Variants in UPP2 observed in about 807,000 individuals in gnomAD.
The protein encoded by UPP2 is UPase 2.
Under a neutral mutation model 26.7 loss-of-function variants are expected in UPP2, and 23 were observed. The ratio of observed to expected loss-of-function variants is 0.86; its 90% CI spans 0.62 to 1.22. The LOEUF (loss-of-function observed/expected upper bound fraction) is 1.22. Among genes scored for constraint, UPP2 ranks in the 50% most tolerant of loss-of-function variants. The pLI, the probability that UPP2 is intolerant of heterozygous loss-of-function variation, is 0.00. For missense variants in UPP2, 387 were observed against 396.7 expected (o/e 0.98, Z 0.21); for synonymous variants, 127 against 141.3 (o/e 0.90, Z 0.72).
intron 3 of UPP2, among the ~76,000 whole-genome samples, chr2:158,051,457 A>G (rs142670491): frequency 2.5e-3 from 378 of 152,252 alleles, no homozygotes; most frequent in Non-Finnish European, 4.3e-3. Flanking sequence ...GACTAAAATG[A>G]ATGAACAAAT....
In UPP2 at chr2:158,085,713, G is replaced by C. The variant is rs371200478; in HGVS notation, c.148-16327G>C. The stretch of plus-strand genomic sequence containing the variant: ...TTTGCTGAGGGTTTTAATCATAAAG[G>C]GATGCTGGATTTTGTCAAATGCTTT... On this transcript the variant is annotated intron_variant, in intron 3 of 9. Coordinates refer to the UPP2 transcript ENST00000605860. Among the ~76,000 whole-genome samples, 6 of 152,106 alleles carry C rather than the reference G, an allele frequency of 3.9e-5. No homozygotes were observed. In the East Asian group the frequency reaches 5.8e-4, roughly 15 times the overall value.
chr2:158,120,393 C>T (rs973178898), intron 4 of UPP2, among the ~76,000 whole-genome samples: 32 of 152,086 alleles, frequency 2.1e-4, no homozygotes, highest in South Asian at 8.3e-4. Flanking sequence ...CATAGGCTTG[C>T]GGAGCTATAA....
chr2:158,099,706 G>A (rs545414021), upstream of UPP2, among the ~76,000 whole-genome samples: 1 of 152,164 alleles, frequency 6.6e-6, no homozygotes, highest in Non-Finnish European at 1.5e-5. Context: ...CATCAAGACT[G>A]TGCTTTCTTT....
At chr2:158,011,666 T>G (rs1425556869) in intron 2 of UPP2, among the ~76,000 whole-genome samples, 1 of 140,044 alleles carries the variant, frequency 7.1e-6, no homozygotes, top group African/African-American at 2.6e-5. Flanking sequence ...AACACTTGTC[T>G]GGAGGGAGGG....
At chr2:157,997,651 C>G (rs140127950) in intron 2 of UPP2, among the ~76,000 whole-genome samples, 379 of 152,264 alleles carry the variant, frequency 2.5e-3, no homozygotes, top group Non-Finnish European at 4.6e-3. Flanking sequence ...AGAATATCAT[C>G]CTTTTAAGCC....
intron 2 of UPP2, among the ~76,000 whole-genome samples, chr2:158,013,136 C>G (rs1683606705): frequency 6.6e-6 from 1 of 152,032 alleles, no homozygotes; most frequent in Non-Finnish European, 1.5e-5. Flanking sequence ...ACAGGTATTG[C>G]CACCAAAACT....
intron 1 of UPP2, among the ~76,000 whole-genome samples, chr2:158,104,435 A>G (rs955257536): frequency 6.8e-6 from 1 of 146,386 alleles, no homozygotes; most frequent in South Asian, 2.2e-4. Context: ...TTGAGATTTT[A>G]AAAATACTTA....
At chr2:158,132,100 C>A (rs987900317) in intron 6 of UPP2, among the ~76,000 whole-genome samples, 1 of 152,220 alleles carries the variant, frequency 6.6e-6, no homozygotes, top group Admixed American at 6.5e-5. Context: ...TGATCATTAA[C>A]TTGAAAAGCT....
intron 2 of UPP2, among the ~76,000 whole-genome samples, chr2:158,107,594 A>G (rs989893433): frequency 9.2e-5 from 14 of 152,146 alleles, no homozygotes; most frequent in African/African-American, 3.4e-4. Flanking sequence ...CAGGTGAGAA[A>G]AGGGGAGGAG....
chr2:158,128,990 A>T (rs900015957), intron 6 of UPP2, among the ~76,000 whole-genome samples: 4 of 152,170 alleles, frequency 2.6e-5, no homozygotes, highest in Non-Finnish European at 5.9e-5. Context: ...TTACTTTTAC[A>T]GGGACAAGAT....
At chr2:158,036,030 TGGGCAGTAGAA>T (rs948554974) in intron 3 of UPP2, among the ~76,000 whole-genome samples, 1 of 152,234 alleles carries the variant, frequency 6.6e-6, no homozygotes, top group African/African-American at 2.4e-5. Context: ...GTAAGTCTCT[TGGGCAGTAGAA>T]GGGTCGTGAA....
chr2:158,068,797 T>TA (rs1682486607), intron 3 of UPP2, among the ~76,000 whole-genome samples: 1 of 17,990 alleles, frequency 5.6e-5, no homozygotes, highest in Non-Finnish European at 1.0e-4. Context: ...TATATATATA[T>TA]ATATATTTTT....
intron 3 of UPP2, among the ~76,000 whole-genome samples, chr2:158,055,252 C>T (rs1041354518): frequency 6.6e-6 from 1 of 152,058 alleles, no homozygotes; most frequent in Non-Finnish European, 1.5e-5. Context: ...TGTGCTGGTT[C>T]GGGTCTCTTT....
chr2:158,055,070 C>A (rs1682225505), intron 3 of UPP2, among the ~76,000 whole-genome samples: 1 of 152,160 alleles, frequency 6.6e-6, no homozygotes, highest in African/African-American at 2.4e-5. Context: ...ACAGAATACC[C>A]CAAACTGGGT....
intron 6 of UPP2, among the ~76,000 whole-genome samples, chr2:158,128,929 A>G (rs1224829584): frequency 6.6e-6 from 1 of 152,140 alleles, no homozygotes. Flanking sequence ...TGCCAAGAAA[A>G]TCAGTCATTG....
intron 3 of UPP2, among the ~76,000 whole-genome samples, chr2:158,072,337 AG>A (rs1682556137): frequency 6.6e-6 from 1 of 152,172 alleles, no homozygotes; most frequent in Non-Finnish European, 1.5e-5. Context: ...GTAGATTTCT[AG>A]GTTTTTTTAC....
chr2:158,080,648 G>C (rs1356181623), intron 3 of UPP2, among the ~76,000 whole-genome samples: 1 of 152,144 alleles, frequency 6.6e-6, no homozygotes, highest in South Asian at 2.1e-4. Flanking sequence ...TTCCCAGCTA[G>C]TCCAGTTCAA....
chr2:158,059,864 C>T (rs554172544), intron 3 of UPP2, among the ~76,000 whole-genome samples: 51 of 152,222 alleles, frequency 3.4e-4, no homozygotes, highest in Middle Eastern at 6.8e-3. Context: ...TTCAAGGGCT[C>T]CAATTCAAAG....
At chr2:158,123,070 A>T (rs1278303699) in intron 5 of UPP2, among the ~76,000 whole-genome samples, 1 of 152,180 alleles carries the variant, frequency 6.6e-6, no homozygotes. Flanking sequence ...AGGAGTGAGG[A>T]GGCATTAGGA....
Sources: allele counts gnomAD v4.1 joint callset (sites outside exome capture counted in the v4.1 genomes callset), GRCh38; gene constraint gnomAD v4.1.1; transcripts MANE v1.5; gene names NCBI Gene and HGNC (gene_info 2026-07-23, HGNC 2026-07-21).